DLC1: variants seen among roughly 807,000 people sequenced by gnomAD.
DLC1 encodes rho GTPase-activating protein 7.
In DLC1, 54 loss-of-function variants were observed where a neutral mutation model predicts 140.3. That is an observed-to-expected ratio of 0.38 (90% CI 0.31 to 0.48). DLC1 has a LOEUF of 0.48. Ranked by LOEUF, DLC1 falls within the 20% of genes least tolerant of loss-of-function variation. The pLI is 0.96. For missense variants in DLC1, 2,536 were observed against 1,907.0 expected (o/e 1.33, Z -6.14); for synonymous variants, 986 against 728.1 (o/e 1.35, Z -5.70).
intron 1 of DLC1, among the ~76,000 whole-genome samples, chr8:13,507,363 G>C (rs932707064): frequency 2.6e-5 from 4 of 152,068 alleles, no homozygotes; most frequent in East Asian, 1.9e-4. Flanking sequence ...AACCGTAAGA[G>C]CACATTTCTA....
At chr8:13,397,146 G>A (rs1837082536) in intron 3 of DLC1, among the ~76,000 whole-genome samples, 1 of 152,116 alleles carries the variant, frequency 6.6e-6, no homozygotes, top group South Asian at 2.1e-4. Flanking sequence ...AGGGAAGGGT[G>A]CATCTTGTGA....
chr8:13,155,976 G>A (rs1824220988), intron 5 of DLC1, among the ~76,000 whole-genome samples: 1 of 151,826 alleles, frequency 6.6e-6, no homozygotes, highest in South Asian at 2.1e-4. Flanking sequence ...TTAGACATTT[G>A]AAAAAAATCT....
intron 4 of DLC1, among the ~76,000 whole-genome samples, chr8:13,339,194 T>C (rs1335318907): frequency 1.3e-5 from 2 of 152,152 alleles, no homozygotes; most frequent in East Asian, 3.9e-4. Flanking sequence ...GACATTGAAA[T>C]GATGCACGTA....
chr8:13,407,560 A>G (rs561031794), intron 2 of DLC1, among the ~76,000 whole-genome samples: 23 of 152,342 alleles, frequency 1.5e-4, no homozygotes, highest in African/African-American at 5.0e-4. Flanking sequence ...GAAGAGAACC[A>G]AAAAGTTTAG....
intron 2 of DLC1, among the ~76,000 whole-genome samples, chr8:13,481,519 G>T (rs879524266): frequency 3.3e-5 from 5 of 152,118 alleles, no homozygotes; most frequent in Non-Finnish European, 7.4e-5. Flanking sequence ...AATACTGGAA[G>T]AAGAAAAAAG....
At chr8:13,497,052 G>T (rs931359747) in intron 2 of DLC1, among the ~76,000 whole-genome samples, 2 of 151,740 alleles carry the variant, frequency 1.3e-5, no homozygotes, top group Non-Finnish European at 2.9e-5. Flanking sequence ...CGCCTGCCTC[G>T]GCCTCCCAAA....
At chr8:13,364,621 C>T (rs1586213100) in intron 4 of DLC1, among the ~76,000 whole-genome samples, 1 of 152,118 alleles carries the variant, frequency 6.6e-6, no homozygotes, top group African/African-American at 2.4e-5. Flanking sequence ...TCTATCTCCC[C>T]TTTTGTTTAC....
chr8:13,459,437 T>A (rs942716011), intron 2 of DLC1, among the ~76,000 whole-genome samples: 3 of 152,166 alleles, frequency 2.0e-5, no homozygotes, highest in Non-Finnish European at 2.9e-5. Flanking sequence ...GAAAGAAAGG[T>A]TTTTTCCCTC....
At chr8:13,175,489 T>C (rs1378332970) in intron 5 of DLC1, among the ~76,000 whole-genome samples, 2 of 152,160 alleles carry the variant, frequency 1.3e-5, no homozygotes, top group Non-Finnish European at 2.9e-5. Context: ...TAAGTGCTCA[T>C]TTTCAACTTT....
intron 4 of DLC1, among the ~76,000 whole-genome samples, chr8:13,334,752 A>G (rs1454945): frequency 0.86 from 130,277 of 152,190 alleles, 56,181 homozygotes; most frequent in East Asian, 0.95. Flanking sequence ...ACAGAGGGAA[A>G]ACACCAGTTG....
chr8:13,247,639 C>T (rs1352891244), intron 5 of DLC1, among the ~76,000 whole-genome samples: 1 of 152,182 alleles, frequency 6.6e-6, no homozygotes, highest in African/African-American at 2.4e-5. Context: ...TCCATGCTCT[C>T]AATTGTCGCA....
intron 5 of DLC1, among the ~76,000 whole-genome samples, chr8:13,167,909 T>C (rs1825212616): frequency 1.3e-5 from 2 of 152,230 alleles, no homozygotes; most frequent in African/African-American, 2.4e-5. Flanking sequence ...AATCATACAA[T>C]TGGCCTTCTA....
At chr8:13,086,151 G>A (rs1380732626) in intron 17 of DLC1, 139 bp downstream of exon 17, 3 of 1,347,140 alleles carry the variant, frequency 2.2e-6, no homozygotes, top group Admixed American at 5.3e-5. Flanking sequence ...AACATGAAAT[G>A]CTACTTTCTA....
intron 1 of DLC1, among the ~76,000 whole-genome samples, chr8:13,591,213 C>A (rs576154161): frequency 1.3e-5 from 2 of 152,108 alleles, no homozygotes; most frequent in Admixed American, 6.6e-5. Context: ...TTATCACACT[C>A]ATTTTTTATT....
chr8:13,165,608 T>G (rs149589179), intron 5 of DLC1, among the ~76,000 whole-genome samples: 1 of 152,334 alleles, frequency 6.6e-6, no homozygotes, highest in African/African-American at 2.4e-5. Flanking sequence ...TTGGAAAGAT[T>G]TGGCCAGGAT....
rs1470600522 is a variant in DLC1 at position 13,191,161 on chromosome 8, A to C, written c.1349-75504T>G. ...GAGTTCCTGAGGCCTCTTCGTAGCCACATGATTTATAGGAAGCCAAAGATA... is the reference window on the plus strand; with the variant it reads ...GAGTTCCTGAGGCCTCTTCGTAGCCCCATGATTTATAGGAAGCCAAAGATA... On this transcript the variant is annotated intron_variant, in intron 5 of 17. Transcript: ENST00000276297. 2.6e-5 allele frequency among the ~76,000 whole-genome samples: 4 copies of C among 152,354 alleles called. No homozygotes were observed. The East Asian group carries it at 7.7e-4, about 29-fold the overall frequency.
rs1201668860 is a variant in DLC1, at chr8:13,095,581, C to T, written c.3168-336G>A. The T allele has an allele frequency of 2.8e-5, 7 of 250,630 alleles. No homozygotes were observed. In the South Asian group the frequency reaches 5.0e-4, roughly 18 times the overall value. 15.5% of individuals were successfully genotyped at this position (250,630 alleles called of 1,614,324 possible). A position where few individuals can be genotyped will look rare whatever the true frequency, so the allele number is the denominator to read the frequency against. On this transcript the variant is annotated intron_variant, in intron 10 of 17. Transcript: ENST00000276297. ...GTTTCCTCAGTTAGGAGCGTCCTTC[C>T]ACCTTGAACCTGGAGAATTGGGGTC...
intron 1 of DLC1, among the ~76,000 whole-genome samples, chr8:13,587,826 C>T (rs1805383234): frequency 6.6e-6 from 1 of 151,014 alleles, no homozygotes; most frequent in South Asian, 2.1e-4. Context: ...CTCAGATTCA[C>T]ACTTTTCTCT....
intron 5 of DLC1, among the ~76,000 whole-genome samples, chr8:13,303,940 C>T (rs1458664542): frequency 6.6e-6 from 1 of 152,190 alleles, no homozygotes. Flanking sequence ...CTCCGCCAGC[C>T]ATGGCATTTC....
Sources: gnomAD v4.1 joint callset for allele counts (sites outside exome capture counted in the v4.1 genomes callset) on GRCh38, gnomAD v4.1.1 for gene constraint, MANE v1.5 for transcripts, NCBI Gene and HGNC (gene_info 2026-07-23, HGNC 2026-07-21) for gene names.